PRKAR2A: variants seen among roughly 807,000 people sequenced by gnomAD.
PRKAR2A encodes the protein cAMP-dependent protein kinase type II-alpha regulatory subunit.
Under a neutral mutation model 51.9 loss-of-function variants are expected in PRKAR2A, and 29 were observed. That is an observed-to-expected ratio of 0.56 (90% CI 0.42 to 0.76). The LOEUF (loss-of-function observed/expected upper bound fraction) is 0.76, where lower values mean the gene tolerates loss of function less well. Ranked by LOEUF, PRKAR2A falls within the 30% of genes least tolerant of loss-of-function variation. PRKAR2A has a pLI of 0.00. For synonymous variants in PRKAR2A, 178 were observed against 186.2 expected (o/e 0.96, Z 0.36); for missense variants, 445 against 512.1 (o/e 0.87, Z 1.26).
chr3:48,752,951 G>T (rs1303457767), intron 9 of PRKAR2A, among the ~76,000 whole-genome samples: 2 of 37,828 alleles, frequency 5.3e-5, no homozygotes, highest in Admixed American at 3.6e-4. Flanking sequence ...TTTTTTTTTT[G>T]AGATGGAGTC....
At chr3:48,843,432 T>C (rs1455981730) in intron 1 of PRKAR2A, among the ~76,000 whole-genome samples, 1 of 152,182 alleles carries the variant, frequency 6.6e-6, no homozygotes, top group African/African-American at 2.4e-5. Flanking sequence ...ATAGATTCAA[T>C]GCCATCCCCA....
chr3:48,814,609 T>A (rs919287745), intron 1 of PRKAR2A, among the ~76,000 whole-genome samples: 1 of 152,196 alleles, frequency 6.6e-6, no homozygotes. Flanking sequence ...TTAAACATTC[T>A]GTAATGCCTT....
At chr3:48,769,184 G>A (rs2081987259) in intron 6 of PRKAR2A, among the ~76,000 whole-genome samples, 1 of 135,046 alleles carries the variant, frequency 7.4e-6, no homozygotes, top group Non-Finnish European at 1.6e-5. Flanking sequence ...TTGAGACAGA[G>A]TCTCGCTCTG....
At chr3:48,753,230 T>C (rs1175386539) in intron 9 of PRKAR2A, among the ~76,000 whole-genome samples, 1 of 151,694 alleles carries the variant, frequency 6.6e-6, no homozygotes, top group Non-Finnish European at 1.5e-5. Flanking sequence ...CCTCCCATTT[T>C]TTAAAATAAG....
chr3:48,836,419 T>TAAAAAAAAAAAAAAAAAAAAAA (rs548970318), intron 1 of PRKAR2A, among the ~76,000 whole-genome samples: 30 of 56,092 alleles, frequency 5.3e-4, no homozygotes, highest in African/African-American at 8.1e-4. Context: ...AGACTCCGTC[T>TAAAAAAAAAAAAAAAAAAAAAA]AAAAAAAAAA....
intron 8 of PRKAR2A, among the ~76,000 whole-genome samples, chr3:48,762,461 T>C (rs1362719220): frequency 6.6e-6 from 1 of 152,090 alleles, no homozygotes; most frequent in Non-Finnish European, 1.5e-5. Flanking sequence ...CCATTTCTAC[T>C]AAAAAAACAC....
chr3:48,826,710 T>C (rs1307927651), intron 1 of PRKAR2A, among the ~76,000 whole-genome samples: 1 of 151,998 alleles, frequency 6.6e-6, no homozygotes, highest in Admixed American at 6.6e-5. Flanking sequence ...TCAGTTATGA[T>C]CCAAAAGGCT....
intron 1 of PRKAR2A, among the ~76,000 whole-genome samples, chr3:48,841,587 C>G (rs1434604431): frequency 1.4e-5 from 2 of 147,538 alleles, no homozygotes; most frequent in African/African-American, 5.0e-5. Flanking sequence ...GGTTATATAC[C>G]TAGGAGTGAA....
intron 5 of PRKAR2A, among the ~76,000 whole-genome samples, 157 bp from the exon 6 acceptor site, chr3:48,773,265 T>C (rs2082055320): frequency 6.6e-6 from 1 of 152,176 alleles, no homozygotes; most frequent in African/African-American, 2.4e-5. Flanking sequence ...GACTTTGTAC[T>C]GTGTCCTATA....
chr3:48,771,701 G>A (rs2082031128), intron 6 of PRKAR2A, among the ~76,000 whole-genome samples: 1 of 152,036 alleles, frequency 6.6e-6, no homozygotes, highest in African/African-American at 2.4e-5. Flanking sequence ...TAACAGGCTT[G>A]AGCCACTGTG....
At chr3:48,769,303 G>A (rs1442806884) in intron 6 of PRKAR2A, among the ~76,000 whole-genome samples, 10 of 151,258 alleles carry the variant, frequency 6.6e-5, no homozygotes, top group South Asian at 6.3e-4. Context: ...GGCTACAGGC[G>A]CCTGCCACCG....
chr3:48,780,092 G>A (rs1256324824), intron 5 of PRKAR2A, among the ~76,000 whole-genome samples: 1 of 151,674 alleles, frequency 6.6e-6, no homozygotes, highest in African/African-American at 2.4e-5. Flanking sequence ...CTGGGAGGCG[G>A]GGGTTGCAGT....
intron 5 of PRKAR2A, among the ~76,000 whole-genome samples, chr3:48,775,222 T>C (rs1005444459): frequency 3.9e-5 from 6 of 151,924 alleles, no homozygotes; most frequent in Non-Finnish European, 8.8e-5. Context: ...GTGGATCACC[T>C]GAGGTCAGGA....
At chr3:48,752,002 T>G (rs1157684593) in intron 10 of PRKAR2A, among the ~76,000 whole-genome samples, 174 bp downstream of exon 10, 1 of 152,186 alleles carries the variant, frequency 6.6e-6, no homozygotes, top group African/African-American at 2.4e-5. Flanking sequence ...CAGGCTGTCA[T>G]CAGTACTCAG....
chr3:48,831,194 A>C (rs909453176), intron 1 of PRKAR2A, among the ~76,000 whole-genome samples: 3 of 152,142 alleles, frequency 2.0e-5, no homozygotes, highest in African/African-American at 4.8e-5. Flanking sequence ...GTGTTGTAAC[A>C]CAACATCATA....
intron 1 of PRKAR2A, among the ~76,000 whole-genome samples, chr3:48,808,511 C>A (rs2082716211): frequency 6.6e-6 from 1 of 152,122 alleles, no homozygotes; most frequent in Non-Finnish European, 1.5e-5. Flanking sequence ...CCTTGGCCTC[C>A]CAAAGTGCTG....
intron 2 of PRKAR2A, among the ~76,000 whole-genome samples, chr3:48,799,081 CCATTTTA>C (rs1196390383): frequency 6.6e-6 from 1 of 152,176 alleles, no homozygotes; most frequent in African/African-American, 2.4e-5. Flanking sequence ...AGGAAAAAAT[CCATTTTA>C]CAGTACCTAC....
intron 4 of PRKAR2A, among the ~76,000 whole-genome samples, chr3:48,784,633 A>G (rs1471062689): frequency 2.0e-5 from 3 of 152,184 alleles, no homozygotes; most frequent in Non-Finnish European, 2.9e-5. Flanking sequence ...CACATGTGTC[A>G]TGAGATATAG....
At chr3:48,811,684 G>T (rs1407969505) in intron 1 of PRKAR2A, among the ~76,000 whole-genome samples, 1 of 149,030 alleles carries the variant, frequency 6.7e-6, no homozygotes, top group Non-Finnish European at 1.5e-5. Context: ...TTGGGTACAG[G>T]TTGTTCTTCT....
Sources: gnomAD v4.1 joint callset for allele counts (sites outside exome capture counted in the v4.1 genomes callset) on GRCh38, gnomAD v4.1.1 for gene constraint, MANE v1.5 for transcripts, NCBI Gene and HGNC (gene_info 2026-07-23, HGNC 2026-07-21) for gene names.